Variants in ROBO2 observed in about 807,000 individuals in gnomAD.
ROBO2 encodes the protein roundabout homolog 2.
In ROBO2, 53 loss-of-function variants were observed where a neutral mutation model predicts 160.8. That is an observed-to-expected ratio of 0.33 (90% CI 0.26 to 0.41). The LOEUF (loss-of-function observed/expected upper bound fraction) is 0.41, where lower values mean the gene tolerates loss of function less well. Among genes scored for constraint, ROBO2 ranks in the 10% least tolerant of loss-of-function variants. The pLI is 1.00. For synonymous variants in ROBO2, 664 were observed against 611.7 expected, an observed-to-expected ratio of 1.09 and a Z score of -1.26; for missense variants, 1,577 against 1,722.4, an observed-to-expected ratio of 0.92 and a Z score of 1.49.
intron 2 of ROBO2, among the ~76,000 whole-genome samples, chr3:76,446,346 C>A (rs113860341): frequency 2.0e-5 from 3 of 152,028 alleles, no homozygotes; most frequent in Non-Finnish European, 4.4e-5. Flanking sequence ...ATATGAAGGA[C>A]CTCTTCAAGG....
chr3:77,055,304 T>G (rs1578572506), intron 1 of ROBO2, among the ~76,000 whole-genome samples: 1 of 152,264 alleles, frequency 6.6e-6, no homozygotes, highest in East Asian at 1.9e-4. Context: ...ATAAAATCCA[T>G]TCTACTGGTC....
chr3:76,897,136 C>T (rs1310853112), intron 2 of ROBO2, among the ~76,000 whole-genome samples: 3 of 152,144 alleles, frequency 2.0e-5, no homozygotes, highest in Non-Finnish European at 2.9e-5. Flanking sequence ...CCTAAAACTA[C>T]GTTAAGCAGT....
chr3:77,146,135 G>A, intron 2 of ROBO2, among the ~76,000 whole-genome samples: 1 of 152,174 alleles, frequency 6.6e-6, no homozygotes, highest in East Asian at 1.9e-4. Context: ...TATTGTCTGG[G>A]CTTGTCGTCT....
intron 2 of ROBO2, among the ~76,000 whole-genome samples, chr3:76,359,746 A>G (rs1398805474): frequency 1.3e-5 from 2 of 152,000 alleles, no homozygotes; most frequent in Admixed American, 6.6e-5. Context: ...TTCATATATT[A>G]TATGTCATTT....
chr3:76,130,940 T>C (rs2071199544), intron 2 of ROBO2, among the ~76,000 whole-genome samples: 1 of 152,156 alleles, frequency 6.6e-6, no homozygotes, highest in South Asian at 2.1e-4. Context: ...TTTCCCTCAT[T>C]GCCCCCAGCA....
At chr3:76,781,418 G>A (rs1447510600) in intron 2 of ROBO2, among the ~76,000 whole-genome samples, 2 of 150,574 alleles carry the variant, frequency 1.3e-5, no homozygotes, top group Non-Finnish European at 3.0e-5. Context: ...TTGACTAATT[G>A]TTCTGGCTAG....
chr3:76,866,687 A>T (rs1258989009), intron 2 of ROBO2, among the ~76,000 whole-genome samples: 1 of 152,182 alleles, frequency 6.6e-6, no homozygotes, highest in Non-Finnish European at 1.5e-5. Context: ...CCAAATCAGC[A>T]TACCAACTCT....
chr3:76,376,928 G>A (rs1397619193), intron 2 of ROBO2, among the ~76,000 whole-genome samples: 1 of 152,028 alleles, frequency 6.6e-6, no homozygotes, highest in African/African-American at 2.4e-5. Flanking sequence ...GGTTCCACAG[G>A]GAGGAATCAT....
intron 2 of ROBO2, among the ~76,000 whole-genome samples, chr3:76,418,119 A>G (rs1179203138): frequency 6.6e-6 from 1 of 151,864 alleles, no homozygotes; most frequent in Non-Finnish European, 1.5e-5. Flanking sequence ...ATTAAAGAAA[A>G]AAACAAACTT....
At chr3:76,067,025 A>G (rs2068276525) in intron 2 of ROBO2, among the ~76,000 whole-genome samples, 1 of 152,140 alleles carries the variant, frequency 6.6e-6, no homozygotes, top group African/African-American at 2.4e-5. Context: ...GACAAATACG[A>G]GTCTCCAGCT....
At chr3:76,448,594 C>T (rs899144777) in intron 2 of ROBO2, among the ~76,000 whole-genome samples, 11 of 152,160 alleles carry the variant, frequency 7.2e-5, no homozygotes, top group African/African-American at 1.9e-4. Flanking sequence ...TGTTACTAAA[C>T]AGTTCCATGG....
chr3:76,936,228 G>T (rs1024034364), intron 2 of ROBO2, among the ~76,000 whole-genome samples: 1 of 151,882 alleles, frequency 6.6e-6, no homozygotes. Flanking sequence ...AGATGTATTT[G>T]CCAGGACAGA....
chr3:76,641,256 G>A (rs1294139776), intron 2 of ROBO2, among the ~76,000 whole-genome samples: 1 of 152,130 alleles, frequency 6.6e-6, no homozygotes, highest in Non-Finnish European at 1.5e-5. Context: ...AATCTAGCCT[G>A]TATCACCCTA....
chr3:76,801,384 T>A (rs191155031), intron 2 of ROBO2, among the ~76,000 whole-genome samples: 1 of 152,266 alleles, frequency 6.6e-6, no homozygotes, highest in East Asian at 1.9e-4. Context: ...AGTAATAATT[T>A]GTTGTATATT....
At chr3:76,822,741 G>A (rs895950234) in intron 2 of ROBO2, among the ~76,000 whole-genome samples, 1 of 151,466 alleles carries the variant, frequency 6.6e-6, no homozygotes, top group Admixed American at 6.6e-5. Flanking sequence ...AAAAAGAAAT[G>A]TGGGCAAAAA....
chr3:77,419,811 T>G (rs1232067954), intron 2 of ROBO2, among the ~76,000 whole-genome samples: 4 of 152,108 alleles, frequency 2.6e-5, no homozygotes, highest in Non-Finnish European at 4.4e-5. Context: ...AAAAATGAAT[T>G]TATTTCTAAG....
chr3:77,061,021 G>A (rs1238488350), intron 1 of ROBO2, among the ~76,000 whole-genome samples: 2 of 151,728 alleles, frequency 1.3e-5, no homozygotes, highest in Admixed American at 6.6e-5. Context: ...ATGCTGCCTC[G>A]AACTCCTGGG....
At chr3:76,351,304 CTTTTTTTATGGTGCTGGTAAA>C (rs1466318221) in intron 2 of ROBO2, among the ~76,000 whole-genome samples, 1 of 151,838 alleles carries the variant, frequency 6.6e-6, no homozygotes, top group African/African-American at 2.4e-5. Flanking sequence ...TGAATTCTTA[CTTTTTTTATGGTGCTGGTAAA>C]TAATAATTGT....
intron 2 of ROBO2, among the ~76,000 whole-genome samples, chr3:76,703,506 C>G (rs530295795): frequency 6.6e-6 from 1 of 152,030 alleles, no homozygotes. Flanking sequence ...CTAATGCTCT[C>G]CCTCCCCTTT....
Sources: allele counts gnomAD v4.1 joint callset (sites outside exome capture counted in the v4.1 genomes callset), GRCh38; gene constraint gnomAD v4.1.1; transcripts MANE v1.5; gene names NCBI Gene and HGNC (gene_info 2026-07-23, HGNC 2026-07-21).